RBFOX1: variants seen among roughly 807,000 people sequenced by gnomAD.
RBFOX1 encodes RNA binding fox-1 homolog 1.
RBFOX1 carries 8 observed loss-of-function variants against 57.7 expected under a neutral mutation model. The observed-to-expected ratio is 0.14, with a 90% CI of 0.08 to 0.25. The LOEUF (loss-of-function observed/expected upper bound fraction) is 0.25. RBFOX1 is among the 10% of genes least tolerant of loss of function. The pLI is 1.00. For synonymous variants in RBFOX1, 326 were observed against 222.4 expected, an observed-to-expected ratio of 1.47 and a Z score of -4.15; for missense variants, 611 against 548.5, an observed-to-expected ratio of 1.11 and a Z score of -1.14.
At chr16:5,942,264 G>T (rs1434319988) in intron 4 of RBFOX1, among the ~76,000 whole-genome samples, 1 of 152,104 alleles carries the variant, frequency 6.6e-6, no homozygotes, top group East Asian at 1.9e-4. Context: ...AATATAGTTT[G>T]ATTGGCAGGG....
chr16:5,823,153 T>A (rs572684090), intron 3 of RBFOX1, among the ~76,000 whole-genome samples: 22 of 152,300 alleles, frequency 1.4e-4, no homozygotes, highest in Admixed American at 2.0e-4. Flanking sequence ...CCTGGAGGAC[T>A]GTGAGAGTCC....
chr16:6,652,842 C>T (rs2098607617), intron 2 of RBFOX1, among the ~76,000 whole-genome samples: 1 of 152,082 alleles, frequency 6.6e-6, no homozygotes, highest in African/African-American at 2.4e-5. Context: ...GTGATGGTTG[C>T]ACAACAGTTT....
chr16:6,399,726 A>T (rs145458236), intron 2 of RBFOX1, among the ~76,000 whole-genome samples: 7 of 152,178 alleles, frequency 4.6e-5, no homozygotes, highest in African/African-American at 1.7e-4. Flanking sequence ...GTATTAGTTC[A>T]TTCTCAAGCT....
intron 2 of RBFOX1, among the ~76,000 whole-genome samples, chr16:6,404,077 C>A (rs2093183300): frequency 6.6e-6 from 1 of 152,124 alleles, no homozygotes; most frequent in Non-Finnish European, 1.5e-5. Flanking sequence ...AGCTGGCTCT[C>A]CATGTCCATG....
chr16:6,908,295 C>G (rs1567825764), intron 3 of RBFOX1, among the ~76,000 whole-genome samples: 1 of 151,692 alleles, frequency 6.6e-6, no homozygotes, highest in Non-Finnish European at 1.5e-5. Flanking sequence ...CAGGCCTGCA[C>G]CCCCAGCCTC....
In RBFOX1 at chr16:5,749,692, C is replaced by G. The variant is rs554722374; in HGVS notation, c.319-117611C>G. On this transcript the variant is annotated intron_variant, in intron 3 of 19. Coordinates refer to the RBFOX1 transcript ENST00000641259. The stretch of plus-strand genomic sequence containing the variant: ...AAGCTTATGCATTCGTCACGTAGTT[C>G]TTGTGCCATGGTTTTCAGTTCCATC... Among the ~76,000 whole-genome samples the G allele has an allele frequency of 9.8e-5, 15 of 152,308 alleles. No individual in the cohort carries two copies. The East Asian group carries it at 2.9e-3, about 29-fold the overall frequency.
chr16:5,678,464 T>A (rs1284232386), intron 3 of RBFOX1, among the ~76,000 whole-genome samples: 1 of 152,210 alleles, frequency 6.6e-6, no homozygotes, highest in Non-Finnish European at 1.5e-5. Context: ...TAAATAGATT[T>A]AGGGCATATG....
intron 4 of RBFOX1, among the ~76,000 whole-genome samples, chr16:7,247,510 A>T (rs551084227): frequency 2.6e-4 from 39 of 152,312 alleles, no homozygotes; most frequent in South Asian, 1.0e-3. Flanking sequence ...GAGAATTACT[A>T]ATTTTTCTGT....
intron 2 of RBFOX1, among the ~76,000 whole-genome samples, chr16:5,506,895 C>A (rs2043398666): frequency 6.6e-6 from 1 of 152,136 alleles, no homozygotes; most frequent in Admixed American, 6.5e-5. Flanking sequence ...GCATTTCCCC[C>A]TCCACCCACT....
chr16:5,540,849 T>A (rs5012827), intron 2 of RBFOX1, among the ~76,000 whole-genome samples: 41,438 of 152,040 alleles, frequency 0.27, 6,996 homozygotes, highest in East Asian at 0.86. Flanking sequence ...TGCAGTTTTT[T>A]AAATTTATTT....
chr16:6,837,454 G>A (rs1045989167), intron 3 of RBFOX1, among the ~76,000 whole-genome samples: 2 of 152,160 alleles, frequency 1.3e-5, no homozygotes, highest in Non-Finnish European at 2.9e-5. Flanking sequence ...AGAGTATTTT[G>A]AGCCACTCAG....
At chr16:5,764,785 A>T (rs2053718229) in intron 3 of RBFOX1, among the ~76,000 whole-genome samples, 1 of 131,690 alleles carries the variant, frequency 7.6e-6, no homozygotes, top group South Asian at 2.8e-4. Flanking sequence ...ACCTGTCATT[A>T]TAACCATCAT....
At chr16:7,350,985 T>A (rs2097120462) in intron 4 of RBFOX1, among the ~76,000 whole-genome samples, 1 of 152,234 alleles carries the variant, frequency 6.6e-6, no homozygotes, top group African/African-American at 2.4e-5. Flanking sequence ...TAAGTCTGGC[T>A]CTATCAAAGC....
At chr16:7,174,766 C>A (rs192245697) in intron 4 of RBFOX1, among the ~76,000 whole-genome samples, 22 of 152,128 alleles carry the variant, frequency 1.4e-4, no homozygotes, top group African/African-American at 5.1e-4. Flanking sequence ...GGAGACAAAG[C>A]GAGACTCAGT....
intron 4 of RBFOX1, among the ~76,000 whole-genome samples, chr16:7,279,336 G>T (rs1204724007): frequency 6.6e-6 from 1 of 152,154 alleles, no homozygotes; most frequent in Non-Finnish European, 1.5e-5. Context: ...CTTGTTTTCA[G>T]TTAATGATAT....
At chr16:7,003,523 C>T (rs991938329) in intron 3 of RBFOX1, among the ~76,000 whole-genome samples, 5 of 151,526 alleles carry the variant, frequency 3.3e-5, no homozygotes, top group African/African-American at 1.2e-4. Flanking sequence ...AAATCCTGCT[C>T]TCAGGGATGC....
intron 3 of RBFOX1, among the ~76,000 whole-genome samples, chr16:5,856,642 T>C (rs1357088464): frequency 7.3e-6 from 1 of 136,284 alleles, no homozygotes; most frequent in East Asian, 2.3e-4. Flanking sequence ...TGCTGGAGCT[T>C]TAGGACTTGC....
chr16:7,666,600 G>C (rs1039927981), intron 13 of RBFOX1, among the ~76,000 whole-genome samples: 3 of 152,182 alleles, frequency 2.0e-5, no homozygotes, highest in African/African-American at 4.8e-5. Context: ...GGCAGGGTCT[G>C]TGGAGCTCCC....
At chr16:5,883,730 A>AT (rs113557894) in intron 4 of RBFOX1, among the ~76,000 whole-genome samples, 134 of 152,224 alleles carry the variant, frequency 8.8e-4, no homozygotes, top group African/African-American at 2.9e-3. Flanking sequence ...CTAAGCAGTG[A>AT]TTTTTTTAAA....
Sources: allele counts gnomAD v4.1 joint callset (sites outside exome capture counted in the v4.1 genomes callset), GRCh38; gene constraint gnomAD v4.1.1; transcripts MANE v1.5; gene names NCBI Gene and HGNC (gene_info 2026-07-23, HGNC 2026-07-21).